Variants in WDPCP observed in about 807,000 individuals in gnomAD.
WDPCP encodes WD repeat containing planar cell polarity effector.
A neutral mutation model predicts 93.1 loss-of-function variants in WDPCP; 71 were observed. The observed-to-expected ratio is 0.76, with a 90% CI of 0.63 to 0.93. The LOEUF (loss-of-function observed/expected upper bound fraction) is 0.93, where lower values mean the gene tolerates loss of function less well. Among genes scored for constraint, WDPCP ranks in the 40% least tolerant of loss-of-function variants. WDPCP has a pLI of 0.00. For synonymous variants in WDPCP, 315 were observed against 315.0 expected, an observed-to-expected ratio of 1.00 and a Z score of 0.00; for missense variants, 844 against 887.4, an observed-to-expected ratio of 0.95 and a Z score of 0.62.
intron 12 of WDPCP, among the ~76,000 whole-genome samples, chr2:63,359,323 A>G (rs1690261497): frequency 6.6e-6 from 1 of 152,224 alleles, no homozygotes; most frequent in Non-Finnish European, 1.5e-5. Flanking sequence ...TTTTAGAAGC[A>G]TATGTTCAAA....
chr2:63,585,743 TAAAGA>T (rs2106567210), intron 1 of WDPCP, among the ~76,000 whole-genome samples: 1 of 151,848 alleles, frequency 6.6e-6, no homozygotes, highest in African/African-American at 2.4e-5. Context: ...AGAACTTCAT[TAAAGA>T]AAACATTAAG....
At chr2:63,175,828 CTCTA>C (rs959370159) in intron 14 of WDPCP, among the ~76,000 whole-genome samples, 180 of 152,272 alleles carry the variant, frequency 1.2e-3, no homozygotes, top group African/African-American at 4.0e-3. Context: ...TTTTTCCATT[CTCTA>C]TCTATTGACA....
At chr2:63,172,463 G>A (rs555602011) in intron 15 of WDPCP, among the ~76,000 whole-genome samples, 4 of 152,176 alleles carry the variant, frequency 2.6e-5, no homozygotes, top group African/African-American at 7.2e-5. Flanking sequence ...AGCCATGATC[G>A]CACCACTGCA....
Position 63,820,480 on chromosome 2 carries a change from G to A in WDPCP, n.223-6773C>T, listed in dbSNP as rs191860598. Among the ~76,000 whole-genome samples the A allele has an allele frequency of 6.3e-4, 96 of 152,210 alleles. 2 individuals carry two copies. The highest frequency in any genetic ancestry group is 2.0e-3 in the African/African-American group (83 of 41,518). On this transcript the variant is annotated intron_variant and non_coding_transcript_variant, in intron 1 of 4. Coordinates refer to the WDPCP transcript ENST00000467687. ...GCAGCTGGCTGGCTCACAGAGACTC[G>A]TTTTTGAGAGCAGGCAGTAAGCACA...
At chr2:63,296,426 T>A (rs1325049190) in intron 13 of WDPCP, among the ~76,000 whole-genome samples, 1 of 152,106 alleles carries the variant, frequency 6.6e-6, no homozygotes, top group African/African-American at 2.4e-5. Context: ...TTCAACATAA[T>A]ACTGGGAAGT....
intron 13 of WDPCP, among the ~76,000 whole-genome samples, chr2:63,306,543 A>G (rs558851321): frequency 2.6e-4 from 40 of 152,342 alleles, no homozygotes; most frequent in African/African-American, 7.9e-4. Flanking sequence ...TTTGTCCACC[A>G]TGATCAAGTC....
intron 17 of WDPCP, among the ~76,000 whole-genome samples, chr2:63,127,554 G>A (rs1278310817): frequency 3.3e-5 from 5 of 151,076 alleles, no homozygotes; most frequent in Non-Finnish European, 5.9e-5. Context: ...AGAAGTAGTA[G>A]CAAACACAAA....
chr2:63,691,182 G>C (rs979783617), intron 2 of WDPCP, among the ~76,000 whole-genome samples: 4 of 152,134 alleles, frequency 2.6e-5, no homozygotes, highest in Admixed American at 6.5e-5. Context: ...GGAAATTTGG[G>C]GGATGGTTGA....
At chr2:63,174,306 A>T (rs1057467683) in intron 15 of WDPCP, among the ~76,000 whole-genome samples, 1 of 152,116 alleles carries the variant, frequency 6.6e-6, no homozygotes, top group South Asian at 2.1e-4. Context: ...AACTAATGGT[A>T]AACTTGCATT....
intron 2 of WDPCP, chr2:63,717,394 T>C: frequency 2.4e-6 from 1 of 423,256 alleles, no homozygotes; most frequent in East Asian, 5.9e-5. Flanking sequence ...GATGATAGTG[T>C]CTGTTTTTTT....
At chr2:63,230,555 A>G (rs537573604) in intron 14 of WDPCP, among the ~76,000 whole-genome samples, 94 of 152,302 alleles carry the variant, frequency 6.2e-4, no homozygotes, top group Non-Finnish European at 1.0e-3. Context: ...TCCCACCAAC[A>G]GTGTAAAAGT....
intron 1 of WDPCP, among the ~76,000 whole-genome samples, chr2:63,522,447 G>GACACAC (rs1190142205): frequency 1.0e-4 from 10 of 96,728 alleles, no homozygotes; most frequent in African/African-American, 3.4e-4. Flanking sequence ...AAGACAGACA[G>GACACAC]ACAGACAGAC....
In WDPCP at chr2:63,558,492, G is replaced by A. The variant is rs544544265; in HGVS notation, c.75+29705C>T. Among the ~76,000 whole-genome samples, 7 of 150,372 alleles carry A rather than the reference G, an allele frequency of 4.7e-5. No homozygotes were observed. The East Asian group carries it at 1.4e-3, about 29-fold the overall frequency. On this transcript the variant is annotated intron_variant, in intron 1 of 17. Transcript: ENST00000272321. The stretch of plus-strand genomic sequence containing the variant: ...TGCAGTGAGCTGAGACCGCACCACT[G>A]CACTCCAGCCTGGCAACAGAGTGAG...
At chr2:63,212,212 A>C (rs1676880503) in intron 14 of WDPCP, among the ~76,000 whole-genome samples, 1 of 152,216 alleles carries the variant, frequency 6.6e-6, no homozygotes, top group Non-Finnish European at 1.5e-5. Flanking sequence ...AAGGGCAACC[A>C]GAGAGAAATG....
chr2:63,804,418 AT>A (rs1258152216), intron 2 of WDPCP, among the ~76,000 whole-genome samples: 2 of 150,636 alleles, frequency 1.3e-5, no homozygotes, highest in East Asian at 2.0e-4. Context: ...CACCCGGCTA[AT>A]TTTTTTTTGT....
intron 14 of WDPCP, among the ~76,000 whole-genome samples, chr2:63,214,727 T>A (rs1473784110): frequency 6.6e-6 from 1 of 152,130 alleles, no homozygotes; most frequent in Non-Finnish European, 1.5e-5. Flanking sequence ...GAAAACCCCA[T>A]CATCTCAGCC....
intron 10 of WDPCP, among the ~76,000 whole-genome samples, chr2:63,395,093 A>G (rs1693602056): frequency 6.6e-6 from 1 of 152,182 alleles, no homozygotes; most frequent in South Asian, 2.1e-4. Context: ...TAATGTAACA[A>G]AAAAATACAG....
chr2:63,440,536 A>G (rs1252161456), intron 6 of WDPCP: 1 of 152,372 alleles, frequency 6.6e-6, no homozygotes, highest in South Asian at 2.1e-4. Flanking sequence ...TCACAAAACC[A>G]CTCAACAAAA....
At chr2:63,604,721 C>A in intron 3 of WDPCP, 1 of 1,613,922 alleles carries the variant, frequency 6.2e-7, no homozygotes. Flanking sequence ...GGTGTGACTG[C>A]TAATGATGTA....
Sources: allele counts gnomAD v4.1 joint callset (sites outside exome capture counted in the v4.1 genomes callset), GRCh38; gene constraint gnomAD v4.1.1; transcripts MANE v1.5; gene names NCBI Gene and HGNC (gene_info 2026-07-23, HGNC 2026-07-21).